ZC3H6: variants seen among roughly 807,000 people sequenced by gnomAD.
The protein encoded by ZC3H6 is zinc finger CCCH-type containing 6.
ZC3H6 carries 40 observed loss-of-function variants against 107.7 expected under a neutral mutation model. The ratio of observed to expected loss-of-function variants is 0.37; its 90% CI spans 0.29 to 0.48. The LOEUF (loss-of-function observed/expected upper bound fraction) is 0.48, where lower values mean the gene tolerates loss of function less well. Ranked by LOEUF, ZC3H6 falls within the 20% of genes least tolerant of loss-of-function variation. The pLI, the probability that ZC3H6 is intolerant of heterozygous loss-of-function variation, is 0.98. For missense variants in ZC3H6, 1,267 were observed against 1,410.4 expected (o/e 0.90, Z 1.63); for synonymous variants, 493 against 487.9 (o/e 1.01, Z -0.14).
At chr2:112,316,612 C>T in intron 6 of ZC3H6, 26 bp downstream of exon 6, 1 of 1,374,658 alleles carries the variant, frequency 7.3e-7, no homozygotes, top group Non-Finnish European at 1.0e-6. Context: ...TATCATAAGT[C>T]ATTTTAACTT....
chr2:112,311,235 A>G (rs1212633957), intron 4 of ZC3H6, among the ~76,000 whole-genome samples: 1 of 152,244 alleles, frequency 6.6e-6, no homozygotes, highest in Non-Finnish European at 1.5e-5. Flanking sequence ...TCAAGGTTAC[A>G]GCAAGCTATG....
chr2:112,325,327 C>G, intron 11 of ZC3H6, 130 bp downstream of exon 11: 1 of 833,464 alleles, frequency 1.2e-6, no homozygotes, highest in Non-Finnish European at 1.9e-6. Flanking sequence ...AACCCCATCT[C>G]TACTAAAAAT....
chr2:112,315,370 A>C (rs1252001567), intron 5 of ZC3H6, among the ~76,000 whole-genome samples: 3 of 152,082 alleles, frequency 2.0e-5, no homozygotes, highest in African/African-American at 7.2e-5. Flanking sequence ...TTTATATTTA[A>C]AAGTTAAAAG....
rs1037119777 is a variant in ZC3H6, at chr2:112,333,289, A to C, written c.*801A>C. Reference sequence around the variant, plus strand: ...CAGCATAATTTATATTGCTTTTTCAAATGATGTAGCTGCATTAATTGTGTT... The same window carrying C: ...CAGCATAATTTATATTGCTTTTTCACATGATGTAGCTGCATTAATTGTGTT... On this transcript the variant is annotated 3_prime_UTR_variant, in exon 12 of 12. Coordinates refer to ENST00000409871, the MANE Select transcript of ZC3H6 (RefSeq NM_198581.3). 6.6e-6 allele frequency: 1 copy of C among 152,590 alleles called. No individual in the cohort carries two copies. Among genetic ancestry groups the C allele is most frequent in the Non-Finnish European group, 1.5e-5 (1 of 67,986 alleles). 9.5% of individuals were successfully genotyped at this position (152,590 alleles called of 1,614,324 possible). A position where few individuals can be genotyped will look rare whatever the true frequency, so the allele number is the denominator to read the frequency against.
chr2:112,276,170 A>C, intron 1 of ZC3H6, 144 bp downstream of exon 1: 4 of 584,620 alleles, frequency 6.8e-6, no homozygotes, highest in South Asian at 4.2e-5. Flanking sequence ...CTCTTATGTA[A>C]ACTGCTGGAT....
At chr2:112,304,559 C>T (rs1304724152) in intron 3 of ZC3H6, among the ~76,000 whole-genome samples, 1 of 152,162 alleles carries the variant, frequency 6.6e-6, no homozygotes, top group Non-Finnish European at 1.5e-5. Flanking sequence ...TCCAAAATTC[C>T]TCTTATTATA....
chr2:112,301,107 G>A (rs781519518), intron 2 of ZC3H6, among the ~76,000 whole-genome samples: 2 of 152,188 alleles, frequency 1.3e-5, no homozygotes, highest in Non-Finnish European at 2.9e-5. Context: ...CAGAAACCAA[G>A]TTGCCAACAG....
chr2:112,321,888 G>T (rs1444861366), intron 8 of ZC3H6, 23 bp downstream of exon 8: 23 of 1,111,274 alleles, frequency 2.1e-5, no homozygotes, highest in Non-Finnish European at 2.8e-5. Context: ...TTTGTACCTT[G>T]ATTATGTCTC....
intron 11 of ZC3H6, among the ~76,000 whole-genome samples, chr2:112,328,363 C>T (rs565151018): frequency 6.6e-6 from 1 of 152,232 alleles, no homozygotes; most frequent in Non-Finnish European, 1.5e-5. Flanking sequence ...TTTTCTATAT[C>T]TGTGAAGAAC....
Position 112,324,565 on chromosome 2 carries a change from A to G in ZC3H6, c.1754A>G (p.Asn585Ser), listed in dbSNP as rs753182375. The G allele has an allele frequency of 1.8e-5, 29 of 1,612,114 alleles. No homozygotes were observed. Among genetic ancestry groups the G allele is most frequent in the Admixed American group, 1.0e-4 (6 of 59,748 alleles). The change falls in exon 10 of 12, where the codon AAC (asparagine) becomes AGC (serine). Residue 585 changes from asparagine (N) to serine (S), a missense_variant. Asn to Ser is a conservative substitution (Grantham distance 46). Transcript: ENST00000409871. Reference sequence around the variant, plus strand: ...CAAAGTCCTGGTGAAATGCAGCTCAACACCAATTATGAGTCCCTGCAAAAC... The same window carrying G: ...CAAAGTCCTGGTGAAATGCAGCTCAGCACCAATTATGAGTCCCTGCAAAAC... ...YQQSPGEMQL[N>S]TNYESLQNPA...
rs1258479159 is a variant in ZC3H6, at chr2:112,325,005, GTTGT to G, written c.1896_1899del (p.Val633LysfsTer37). 1 of 1,612,036 alleles carries G rather than the reference GTTGT, an allele frequency of 6.2e-7. No individual in the cohort carries two copies. The highest frequency in any genetic ancestry group is 1.3e-5 in the African/African-American group (1 of 75,036). Reference sequence around the variant, plus strand: ...TGAATTTGCCCAGCAGCAGCCTCCTGTTGTTCAAGACTCACCTAACCATGGGAGT... The same window carrying G: ...TGAATTTGCCCAGCAGCAGCCTCCTGTCAAGACTCACCTAACCATGGGAGT... On this transcript the variant is annotated frameshift_variant, in exon 11 of 12. Coordinates refer to ENST00000409871, the MANE Select transcript of ZC3H6 (RefSeq NM_198581.3). LOFTEE classifies it high-confidence loss of function.
chr2:112,291,976 C>T (rs959931869), intron 1 of ZC3H6, among the ~76,000 whole-genome samples: 2 of 152,154 alleles, frequency 1.3e-5, no homozygotes, highest in African/African-American at 2.4e-5. Flanking sequence ...CCTTGGCCTC[C>T]GAAGTGCTGC....
In ZC3H6 at chr2:112,338,799, C is replaced by T. The variant is rs1251380996; in HGVS notation, c.*6311C>T. ...AACCATATTCTCAAACCTCCATTAC[C>T]ACTAATATCTTGGGGTTGTCAATGA... On this transcript the variant is annotated 3_prime_UTR_variant, in exon 12 of 12. Transcript: ENST00000409871. 6.8e-6 allele frequency: 1 copy of T among 146,178 alleles called. No individual in the cohort carries two copies. The highest frequency in any genetic ancestry group is 2.5e-5 in the African/African-American group (1 of 40,454). The allele number at this position is 146,178 out of a possible 1,614,324, so 9.1% of individuals were successfully genotyped here.
intron 11 of ZC3H6, among the ~76,000 whole-genome samples, chr2:112,328,958 A>C (rs1347028410): frequency 6.6e-6 from 1 of 151,824 alleles, no homozygotes; most frequent in East Asian, 1.9e-4. Context: ...AAAAAAAAGT[A>C]ATCTTTCGAT....
chr2:112,291,597 T>C (rs988521268), intron 1 of ZC3H6, among the ~76,000 whole-genome samples: 66 of 152,316 alleles, frequency 4.3e-4, no homozygotes, highest in African/African-American at 1.5e-3. Context: ...CTTAAATAAA[T>C]AAATGTAAAT....
chr2:112,322,073 CT>C (rs1052003900), intron 8 of ZC3H6, among the ~76,000 whole-genome samples: 134 of 149,374 alleles, frequency 9.0e-4, no homozygotes, highest in Middle Eastern at 3.4e-3. Flanking sequence ...ACCATTTCAA[CT>C]TTTTTTTTTC....
rs1686407387 is a variant in ZC3H6 at position 112,275,964 on chromosome 2, C to T, written c.-31C>T. Reference sequence around the variant, plus strand: ...CGCCGCCGCCGGCCTCGCAGACCTGCCCTCCAGCCCCGCCCCGTTCTTGAC... The same window carrying T: ...CGCCGCCGCCGGCCTCGCAGACCTGTCCTCCAGCCCCGCCCCGTTCTTGAC... On this transcript the variant is annotated 5_prime_UTR_variant, in exon 1 of 12. Coordinates refer to ENST00000409871, the MANE Select transcript of ZC3H6 (RefSeq NM_198581.3). 6.6e-7 allele frequency: 1 copy of T among 1,521,964 alleles called. No individual in the cohort carries two copies. The highest frequency in any genetic ancestry group is 8.8e-7 in the Non-Finnish European group (1 of 1,134,054). The allele number at this position is 1,521,964 out of a possible 1,614,324, so 94.3% of individuals were successfully genotyped here.
In ZC3H6 at chr2:112,324,205, G is replaced by T; in HGVS notation, c.1394G>T (p.Ser465Ile). The change falls in exon 10 of 12, where the codon AGC becomes ATC. Residue 465 changes from serine (S) to isoleucine (I), a missense_variant. This residue lies in a region of ZC3H6 where 925 missense variants were observed against 1,025.7 expected (regional missense o/e 0.90). Transcript: ENST00000409871. ...ASPPGPQFQG[S>I]SPHPQHIYSS... ...CCACCAGGACCACAATTTCAGGGAA[G>T]CAGTCCACACCCTCAACATATCTAT... 6.3e-7 allele frequency: 1 copy of T among 1,595,720 alleles called. No individual in the cohort carries two copies. The highest frequency in any genetic ancestry group is 8.6e-7 in the Non-Finnish European group (1 of 1,164,834).
intron 11 of ZC3H6, among the ~76,000 whole-genome samples, chr2:112,330,567 T>A (rs1432534848): frequency 6.6e-6 from 1 of 152,222 alleles, no homozygotes; most frequent in Admixed American, 6.5e-5. Flanking sequence ...TAAGGAATGC[T>A]TGATTTGAAG....
Sources: gnomAD v4.1 joint callset for allele counts (sites outside exome capture counted in the v4.1 genomes callset) on GRCh38, gnomAD v4.1.1 for gene constraint, gnomAD v4.1.1 regional missense constraint, MANE v1.5 for transcripts, NCBI Gene and HGNC (gene_info 2026-07-23, HGNC 2026-07-21) for gene names.